The following AP3B1 variants were observed in gnomAD, a reference collection of about 807,000 sequenced individuals.
The protein encoded by AP3B1 is adaptor related protein complex 3 subunit beta 1.
AP3B1 carries 61 observed loss-of-function variants against 132.5 expected under a neutral mutation model. That is an observed-to-expected ratio of 0.46 (90% confidence interval 0.37 to 0.57). AP3B1 has a LOEUF of 0.57. Ranked by LOEUF, AP3B1 falls within the 20% of genes least tolerant of loss-of-function variation. The probability of loss-of-function intolerance (pLI) is 0.00; values close to 1 mark genes in which losing one functional copy is unlikely to be tolerated. For missense variants in AP3B1, 1,120 were observed against 1,289.4 expected (o/e 0.87, Z 2.01); for synonymous variants, 388 against 438.3 (o/e 0.89, Z 1.43).
intron 22 of AP3B1, among the ~76,000 whole-genome samples, chr5:78,044,471 G>A (rs1274470137): frequency 2.6e-5 from 4 of 152,158 alleles, no homozygotes; most frequent in Admixed American, 1.3e-4. Flanking sequence ...TTAAATAAAT[G>A]TTGATGTAGC....
At chr5:78,074,481 C>T (rs890678728) in intron 22 of AP3B1, among the ~76,000 whole-genome samples, 6 of 152,198 alleles carry the variant, frequency 3.9e-5, no homozygotes, top group Middle Eastern at 3.4e-3. Flanking sequence ...ACATTTTCAT[C>T]AGAACAAATA....
intron 22 of AP3B1, among the ~76,000 whole-genome samples, chr5:78,044,417 C>G (rs1748233713): frequency 6.6e-6 from 1 of 152,126 alleles, no homozygotes; most frequent in African/African-American, 2.4e-5. Context: ...ACAGGTCTTA[C>G]TTTTATTCTA....
chr5:78,078,718 G>A lies in AP3B1; in HGVS notation c.2577+10675C>T, dbSNP rs1477202380. 3.3e-5 allele frequency among the ~76,000 whole-genome samples: 5 copies of A among 152,268 alleles called. No individual in the cohort carries two copies. The East Asian group carries it at 7.7e-4, about 23-fold the overall frequency. ...TGTACTCCTATAATGAAGTTTTCTA[G>A]TCTTTTTCATTCACTAAACTGTGAG... On this transcript the variant is annotated intron_variant, in intron 22 of 26. Transcript: ENST00000255194.
chr5:78,033,853 T>A (rs568930982), intron 24 of AP3B1, among the ~76,000 whole-genome samples: 1 of 151,892 alleles, frequency 6.6e-6, no homozygotes, highest in Admixed American at 6.6e-5. Flanking sequence ...TCTTTTGACT[T>A]TTATCAAAGC....
intron 17 of AP3B1, among the ~76,000 whole-genome samples, chr5:78,126,851 T>C (rs1042864797): frequency 1.8e-4 from 28 of 152,200 alleles, no homozygotes; most frequent in African/African-American, 6.8e-4. Context: ...TATCACTTAC[T>C]TGCCATGTGA....
chr5:78,000,762 G>A (rs184409452), downstream of AP3B1: 1 of 152,044 alleles, frequency 6.6e-6, no homozygotes, highest in Non-Finnish European at 1.5e-5. Context: ...TGACTAACTC[G>A]ACTCAATGGA....
At chr5:78,061,220 T>C (rs1749042064) in intron 22 of AP3B1, among the ~76,000 whole-genome samples, 1 of 152,100 alleles carries the variant, frequency 6.6e-6, no homozygotes, top group Admixed American at 6.5e-5. Flanking sequence ...TCTAGGTATG[T>C]ATCCTTTTTA....
At chr5:78,160,168 AC>A (rs1198318891) in intron 13 of AP3B1, among the ~76,000 whole-genome samples, 3 of 152,184 alleles carry the variant, frequency 2.0e-5, no homozygotes, top group Admixed American at 6.5e-5. Context: ...AAAGATAGGA[AC>A]CTTTTATAAG....
intron 22 of AP3B1, among the ~76,000 whole-genome samples, chr5:78,071,344 T>C (rs751928620): frequency 6.6e-6 from 1 of 151,882 alleles, no homozygotes; most frequent in Non-Finnish European, 1.5e-5. Context: ...CACTTATAAG[T>C]GGGAGCTGAA....
At chr5:78,268,657 G>A (rs1748430051) in intron 1 of AP3B1, among the ~76,000 whole-genome samples, 1 of 152,120 alleles carries the variant, frequency 6.6e-6, no homozygotes. Context: ...AACTTGGTTT[G>A]CTCATCTAAA....
chr5:78,055,693 G>A (rs116749070), intron 22 of AP3B1, among the ~76,000 whole-genome samples: 2,115 of 152,278 alleles, frequency 0.014, 57 homozygotes, highest in African/African-American at 0.049. Context: ...GGTCAGTCAT[G>A]CAAGCTCATG....
At position 78,018,133 on chromosome 5, in the gene AP3B1, T is replaced by C. The variant is rs113861964; in HGVS notation, c.2992+2559A>G. Among the ~76,000 whole-genome samples the C allele has an allele frequency of 1.4e-3, 219 of 152,114 alleles. 1 individual carries two copies. Among genetic ancestry groups the C allele is most frequent in the Non-Finnish European group, 2.6e-3 (179 of 67,896 alleles). The stretch of plus-strand genomic sequence containing the variant: ...CGTGAAGAAACCAAATTAAATATTT[T>C]TAAGTAAAAAATAGATCCCATGTTA... On this transcript the variant is annotated intron_variant, in intron 25 of 26. Transcript: ENST00000255194.
rs577784257 is a variant in AP3B1 at position 78,098,089 on chromosome 5, C to T, written c.2470+2864G>A. On this transcript the variant is annotated intron_variant, in intron 21 of 26. Transcript: ENST00000255194. ...AACAGATGCTTGAAGGCAGCATGCT[C>T]GTTAAGAGTCATCACCACTCCCTAA... Among the ~76,000 whole-genome samples the T allele has an allele frequency of 3.3e-5, 5 of 151,088 alleles. No homozygotes were observed. The East Asian group carries it at 7.8e-4, about 24-fold the overall frequency.
At chr5:78,053,193 T>C (rs1748653599) in intron 22 of AP3B1, among the ~76,000 whole-genome samples, 1 of 152,228 alleles carries the variant, frequency 6.6e-6, no homozygotes, top group African/African-American at 2.4e-5. Flanking sequence ...AACCTTGGCA[T>C]TATCTTTGAC....
At chr5:78,078,420 A>C (rs1167034145) in intron 22 of AP3B1, among the ~76,000 whole-genome samples, 2 of 152,224 alleles carry the variant, frequency 1.3e-5, no homozygotes, top group Non-Finnish European at 2.9e-5. Context: ...AACTCCTTTC[A>C]ACTGTTTCAC....
At chr5:78,100,153 A>G (rs1192196653) in intron 21 of AP3B1, among the ~76,000 whole-genome samples, 4 of 152,114 alleles carry the variant, frequency 2.6e-5, no homozygotes, top group Admixed American at 6.6e-5. Flanking sequence ...TCTCTATATT[A>G]AGTATATGCC....
intron 22 of AP3B1, among the ~76,000 whole-genome samples, chr5:78,061,228 T>A (rs1281151603): frequency 6.6e-6 from 1 of 152,108 alleles, no homozygotes; most frequent in Non-Finnish European, 1.5e-5. Flanking sequence ...TGTATCCTTT[T>A]TAAAAATCAG....
chr5:78,023,031 G>A (rs1221400336), intron 24 of AP3B1, among the ~76,000 whole-genome samples: 4 of 152,142 alleles, frequency 2.6e-5, no homozygotes, highest in Non-Finnish European at 4.4e-5. Flanking sequence ...AGCTTCCCCA[G>A]GGTGGGTAGC....
At chr5:78,240,391 C>A (rs755558443) in intron 3 of AP3B1, among the ~76,000 whole-genome samples, 3 of 152,058 alleles carry the variant, frequency 2.0e-5, no homozygotes, top group Admixed American at 1.3e-4. Flanking sequence ...CGTGTTCATT[C>A]AATAAATCCA....
Sources: allele counts gnomAD v4.1 joint callset (sites outside exome capture counted in the v4.1 genomes callset), GRCh38; gene constraint gnomAD v4.1.1; transcripts MANE v1.5; gene names NCBI Gene and HGNC (gene_info 2026-07-23, HGNC 2026-07-21).